Variants in ARHGEF12 observed in about 807,000 individuals in gnomAD.
The protein encoded by ARHGEF12 is KMT2A/ARHGEF12 fusion protein.
ARHGEF12 carries 66 observed loss-of-function variants against 211.2 expected under a neutral mutation model. The ratio of observed to expected loss-of-function variants is 0.31; its 90% CI spans 0.26 to 0.38. The LOEUF (loss-of-function observed/expected upper bound fraction) is 0.38. Ranked by LOEUF, ARHGEF12 falls within the 10% of genes least tolerant of loss-of-function variation. The pLI is 1.00. For synonymous variants in ARHGEF12, 592 were observed against 638.4 expected, an observed-to-expected ratio of 0.93 and a Z score of 1.09; for missense variants, 1,429 against 1,869.5, an observed-to-expected ratio of 0.76 and a Z score of 4.34.
intron 1 of ARHGEF12, among the ~76,000 whole-genome samples, chr11:120,396,841 C>A (rs1565451469): frequency 6.6e-6 from 1 of 152,138 alleles, no homozygotes; most frequent in African/African-American, 2.4e-5. Context: ...GAAGTTAAGA[C>A]TTCAGCATGT....
At chr11:120,367,525 C>G (rs1332441273) in intron 1 of ARHGEF12, among the ~76,000 whole-genome samples, 1 of 151,756 alleles carries the variant, frequency 6.6e-6, no homozygotes, top group Non-Finnish European at 1.5e-5. Context: ...GCCACCATGT[C>G]CGGCTAATTT....
At position 120,347,270 on chromosome 11, in the gene ARHGEF12, C is replaced by CTGTGTGTGTG. The variant is rs55651421; in HGVS notation, c.32+10023_32+10032dup. On this transcript the variant is annotated intron_variant, in intron 1 of 40. Coordinates refer to ENST00000397843, the MANE Select transcript of ARHGEF12 (RefSeq NM_015313.3). Reference sequence around the variant, plus strand: ...TTTCTCTCTCTCTCTCTCTCTCTGTCTGTGTGTGTGTGTGTGTGTGTGTGT... The same window carrying CTGTGTGTGTG: ...TTTCTCTCTCTCTCTCTCTCTCTGTCTGTGTGTGTGTGTGTGTGTGTGTGTGTGTGTGTGT... Among the ~76,000 whole-genome samples, 388 of 79,866 alleles carry CTGTGTGTGTG rather than the reference C, an allele frequency of 4.9e-3. 1 individual carries two copies. The highest frequency in any genetic ancestry group is 0.016 in the African/African-American group (357 of 21,794). 52.4% of individuals were successfully genotyped at this position (79,866 alleles called of 152,430 possible).
intron 11 of ARHGEF12, among the ~76,000 whole-genome samples, chr11:120,433,452 G>A (rs1182742750): frequency 6.6e-5 from 10 of 152,104 alleles, no homozygotes; most frequent in East Asian, 1.9e-4. Flanking sequence ...TTAGTAATGC[G>A]TCTCCTCGCT....
chr11:120,364,522 C>T (rs1943369593), intron 1 of ARHGEF12, among the ~76,000 whole-genome samples: 3 of 152,146 alleles, frequency 2.0e-5, no homozygotes, highest in African/African-American at 4.8e-5. Flanking sequence ...AGAGATCACC[C>T]ACACCATTAT....
intron 1 of ARHGEF12, among the ~76,000 whole-genome samples, chr11:120,348,870 C>T: frequency 6.6e-6 from 1 of 152,086 alleles, no homozygotes. Context: ...AAATTACCTT[C>T]AGGCTGTGCA....
Position 120,441,694 on chromosome 11 carries a change from T to C in ARHGEF12, c.1093-13T>C, listed in dbSNP as rs180905569. On this transcript the variant is annotated splice_polypyrimidine_tract_variant and intron_variant, in intron 13 of 40. Transcript: ENST00000397843. ...TGTTGGAGTTACTGATGCATAATCA[T>C]TTCTTCCTCTAGATCAATGGACAGT... The C allele has an allele frequency of 9.3e-5, 149 of 1,605,654 alleles. No individual in the cohort carries two copies. The African/African-American group carries it at 1.5e-3, about 16-fold the overall frequency.
At chr11:120,418,996 CAG>C (rs1378858928) in intron 4 of ARHGEF12, among the ~76,000 whole-genome samples, 1 of 151,128 alleles carries the variant, frequency 6.6e-6, no homozygotes, top group Non-Finnish European at 1.5e-5. Flanking sequence ...TTTTTTGTGA[CAG>C]AGTCTCGCTC....
chr11:120,357,587 T>G, intron 1 of ARHGEF12, among the ~76,000 whole-genome samples: 1 of 152,200 alleles, frequency 6.6e-6, no homozygotes. Flanking sequence ...CAGGTTTTTT[T>G]GAGACAGAGT....
At chr11:120,445,333 A>T (rs1008799722) in intron 15 of ARHGEF12, 89 bp from the exon 16 acceptor site, 38 of 1,315,546 alleles carry the variant, frequency 2.9e-5, no homozygotes, top group Admixed American at 3.4e-5. Flanking sequence ...TGGGTATCCA[A>T]GTTGTATCCC....
Position 120,435,386 on chromosome 11 carries a change from A to G in ARHGEF12, c.925-1922A>G, listed in dbSNP as rs1945662251. Among the ~76,000 whole-genome samples the G allele has an allele frequency of 3.3e-5, 5 of 152,288 alleles. No homozygotes were observed. In the South Asian group the frequency reaches 1.0e-3, roughly 32 times the overall value. On this transcript the variant is annotated intron_variant, in intron 11 of 40. Transcript: ENST00000397843. ...ATAGTTGTTATTTGGAATAATTCATAGATGATACTATGTACATCTCATTAT... is the reference window on the plus strand; with the variant it reads ...ATAGTTGTTATTTGGAATAATTCATGGATGATACTATGTACATCTCATTAT...
At chr11:120,389,953 A>T (rs1212042008) in intron 1 of ARHGEF12, among the ~76,000 whole-genome samples, 1 of 152,144 alleles carries the variant, frequency 6.6e-6, no homozygotes, top group South Asian at 2.1e-4. Flanking sequence ...GTTGCTTCCA[A>T]ATCTTGGCTA....
At chr11:120,351,038 CAA>C (rs963623040) in intron 1 of ARHGEF12, among the ~76,000 whole-genome samples, 1 of 151,962 alleles carries the variant, frequency 6.6e-6, no homozygotes, top group African/African-American at 2.4e-5. Flanking sequence ...ATGTAGGTGA[CAA>C]AGAGCATTTT....
intron 6 of ARHGEF12, among the ~76,000 whole-genome samples, chr11:120,424,090 C>CATGTT (rs1331285081): frequency 6.6e-6 from 1 of 151,850 alleles, no homozygotes; most frequent in Non-Finnish European, 1.5e-5. Context: ...AAATCTGTTT[C>CATGTT]ATGTTATGTT....
rs549219763 is a variant in ARHGEF12, at chr11:120,405,263, A to G, written c.33-855A>G. 2.6e-5 allele frequency among the ~76,000 whole-genome samples: 4 copies of G among 152,302 alleles called. No homozygotes were observed. In the South Asian group the frequency reaches 8.3e-4, roughly 32 times the overall value. On this transcript the variant is annotated intron_variant, in intron 1 of 40. Coordinates refer to ENST00000397843, the MANE Select transcript of ARHGEF12 (RefSeq NM_015313.3). ...GTTCCTATTACTAAATAATCTTTAC[A>G]TAAAATGCCATAGGTTGAAATAATT... is the stretch of plus-strand genomic sequence containing the variant.
intron 1 of ARHGEF12, among the ~76,000 whole-genome samples, chr11:120,342,163 A>G (rs1057246806): frequency 1.3e-5 from 2 of 151,792 alleles, no homozygotes; most frequent in Non-Finnish European, 2.9e-5. Flanking sequence ...TTTGTACTGT[A>G]TTTTTCTGTG....
At chr11:120,425,454 G>GT (rs1269050104) in intron 7 of ARHGEF12, among the ~76,000 whole-genome samples, 1 of 150,576 alleles carries the variant, frequency 6.6e-6, no homozygotes, top group African/African-American at 2.4e-5. Flanking sequence ...CTCCCACCTT[G>GT]TTTTTTGTTT....
rs1376668607 is a variant in ARHGEF12 at position 120,458,073 on chromosome 11, T to C, written c.2226-7T>C. 2 of 1,599,644 alleles carry C rather than the reference T, an allele frequency of 1.3e-6. No homozygotes were observed. The highest frequency in any genetic ancestry group is 8.5e-7 in the Non-Finnish European group (1 of 1,176,974). ...TTCAAATTGAATTCACTCTTTTTTC[T>C]TCATAGGTTTGACAGTGTAGCTTTT... On this transcript the variant is annotated splice_polypyrimidine_tract_variant and splice_region_variant and intron_variant, in intron 24 of 40. Transcript: ENST00000397843.
intron 27 of ARHGEF12, chr11:120,462,531 GC>G (rs1214040555): frequency 2.6e-5 from 4 of 152,172 alleles, no homozygotes; most frequent in Admixed American, 1.3e-4. Context: ...GCTCAGGGTT[GC>G]CATCAACCTT....
chr11:120,441,348 A>C (rs1945861491), intron 13 of ARHGEF12, among the ~76,000 whole-genome samples: 2 of 152,194 alleles, frequency 1.3e-5, no homozygotes, highest in Non-Finnish European at 2.9e-5. Context: ...TTAGCCCAGA[A>C]GAAAAGGATA....
Sources: gnomAD v4.1 joint callset for allele counts (sites outside exome capture counted in the v4.1 genomes callset) on GRCh38, gnomAD v4.1.1 for gene constraint, MANE v1.5 for transcripts, NCBI Gene and HGNC (gene_info 2026-07-23, HGNC 2026-07-21) for gene names.